The following PHKG2 variants were observed in gnomAD, a reference collection of about 807,000 sequenced individuals.
The protein encoded by PHKG2 is phosphorylase kinase catalytic subunit gamma 2, also known as phosphorylase b kinase gamma catalytic chain, liver/testis isoform.
In PHKG2, 28 loss-of-function variants were observed where a neutral mutation model predicts 44.5. The observed-to-expected ratio is 0.63, with a 90% CI of 0.47 to 0.86. The LOEUF (loss-of-function observed/expected upper bound fraction) is 0.86. Ranked by LOEUF, PHKG2 falls within the 40% of genes least tolerant of loss-of-function variation. PHKG2 has a pLI of 0.00. For synonymous variants in PHKG2, 220 were observed against 211.2 expected (o/e 1.04, Z -0.36); for missense variants, 498 against 547.5 (o/e 0.91, Z 0.90).
intron 6 of PHKG2, chr16:30,755,309 G>C (rs575362264): frequency 6.0e-6 from 1 of 166,216 alleles, no homozygotes; most frequent in South Asian, 1.5e-4. Context: ...TAGAACTGTA[G>C]ATTTGATCAT....
In PHKG2 at chr16:30,749,130, G is replaced by GTGGTGC. The variant is rs1555466869; in HGVS notation, c.95+220_95+221insCTGGTG. On this transcript the variant is annotated intron_variant, in intron 2 of 9. Coordinates refer to ENST00000563588, the MANE Select transcript of PHKG2 (RefSeq NM_000294.3). ...GCTGCTGGTGGTGCTGGTGCTGGTGGTGGTGGTGCTGGTGCTGGTGGTGGT... is the reference window on the plus strand; with the variant it reads ...GCTGCTGGTGGTGCTGGTGCTGGTGGTGGTGCTGGTGGTGCTGGTGCTGGTGGTGGT... 5.1e-4 allele frequency among the ~76,000 whole-genome samples: 28 copies of GTGGTGC among 55,414 alleles called. 3 individuals carry two copies. Among genetic ancestry groups the GTGGTGC allele is most frequent in the South Asian group, 3.8e-3 (5 of 1,326 alleles). The allele number at this position is 55,414 out of a possible 152,430, so 36.4% of individuals were successfully genotyped here.
At chr16:30,753,208 C>G in intron 4 of PHKG2, 24 bp from the exon 5 acceptor site, 1 of 1,601,030 alleles carries the variant, frequency 6.2e-7, no homozygotes, top group Non-Finnish European at 8.6e-7. Context: ...ATGCAGCTGC[C>G]TCCTATGCCC....
chr16:30,751,942 A>C, intron 4 of PHKG2: 2 of 321,682 alleles, frequency 6.2e-6, no homozygotes, highest in Non-Finnish European at 6.1e-6. Context: ...AAATACAAAA[A>C]ATCAGCCGGG....
At position 30,757,207 on chromosome 16, in the gene PHKG2, G is replaced by A; in HGVS notation, c.*110G>A. ...TGGCCTCAGGCCCACTAATGATCCT[G>A]CTACCCTCTTGAAGACCAGCCCGGT... On this transcript the variant is annotated 3_prime_UTR_variant, in exon 10 of 10. Coordinates refer to ENST00000563588, the MANE Select transcript of PHKG2 (RefSeq NM_000294.3). The A allele has an allele frequency of 6.3e-7, 1 of 1,593,360 alleles. No individual in the cohort carries two copies. Among genetic ancestry groups the A allele is most frequent in the Non-Finnish European group, 8.5e-7 (1 of 1,176,822 alleles).
intron 6 of PHKG2, 105 bp downstream of exon 6, chr16:30,753,662 A>C: frequency 8.6e-7 from 1 of 1,163,894 alleles, no homozygotes; most frequent in Non-Finnish European, 1.3e-6. Context: ...AGAAAAAGGG[A>C]GAAGTCATTG....
Position 30,757,043 on chromosome 16 carries a change from G to A in PHKG2, c.1167G>A (p.Glu389=), listed in dbSNP as rs2053442591. Reference sequence around the variant, plus strand: ...CTTTTCCCATCATGGGCCCTGAAGAGGAGGGAGACTCTGCTGCTATAACTG... The same window carrying A: ...CTTTTCCCATCATGGGCCCTGAAGAAGAGGGAGACTCTGCTGCTATAACTG... ...PGPFPIMGPE[E]EGDSAAITED... Residue 389 remains glutamate, a synonymous_variant, in exon 10 of 10, where the codon GAG becomes GAA. Transcript: ENST00000563588. 6.2e-7 allele frequency: 1 copy of A among 1,612,834 alleles called. No homozygotes were observed. The highest frequency in any genetic ancestry group is 1.3e-5 in the African/African-American group (1 of 74,932).
At position 30,759,933 on chromosome 16, in the gene PHKG2, C is replaced by A. The variant is rs758742628; in HGVS notation, c.*2836C>A. The A allele has an allele frequency of 1.1e-5, 16 of 1,440,950 alleles. No homozygotes were observed. The highest frequency in any genetic ancestry group is 1.5e-5 in the Non-Finnish European group (16 of 1,102,010). The allele number at this position is 1,440,950 out of a possible 1,614,324, so 89.3% of individuals were successfully genotyped here. ...GGCACTGAACAAGACAGACAAGGTC[C>A]TGCCCTTACGAAGCTTATATTCTAG... On this transcript the variant is annotated 3_prime_UTR_variant, in exon 10 of 10. Transcript: ENST00000563588.
chr16:30,756,397 C>A lies in PHKG2; in HGVS notation c.678C>A (p.Leu226=). The A allele has an allele frequency of 6.2e-7, 1 of 1,614,124 alleles. No homozygotes were observed. The highest frequency in any genetic ancestry group is 1.1e-5 in the South Asian group (1 of 91,082). ...LWACGVILFT[L]LAGSPPFWHR... ...CCTGTGGGGTGATCTTGTTCACACTCCTGGCTGGCTCGCCACCCTTCTGGC... is the reference window on the plus strand; with the variant it reads ...CCTGTGGGGTGATCTTGTTCACACTACTGGCTGGCTCGCCACCCTTCTGGC... Residue 226 remains leucine (L), a synonymous_variant, in exon 8 of 10, where the codon CTC becomes CTA. Transcript: ENST00000563588.
intron 4 of PHKG2, chr16:30,752,996 C>G (rs1177020226): frequency 1.7e-6 from 1 of 588,936 alleles, no homozygotes; most frequent in Non-Finnish European, 3.1e-6. Context: ...TATATTGTCA[C>G]AAGAAGTCTC....
chr16:30,749,847 A>G (rs1347791730), intron 2 of PHKG2, among the ~76,000 whole-genome samples: 1 of 152,198 alleles, frequency 6.6e-6, no homozygotes, highest in Non-Finnish European at 1.5e-5. Context: ...GTGAACGTTA[A>G]AAAGGCATCA....
chr16:30,753,386 T>C lies in PHKG2; in HGVS notation c.393-8T>C. On this transcript the variant is annotated splice_region_variant and splice_polypyrimidine_tract_variant and intron_variant, in intron 5 of 9. Coordinates refer to ENST00000563588, the MANE Select transcript of PHKG2 (RefSeq NM_000294.3). Reference sequence around the variant, plus strand: ...GGAGGAGACTGCACCCGCCTCCCCTTCCCCCAGGTCCATCATGCGGTCTCT... The same window carrying C: ...GGAGGAGACTGCACCCGCCTCCCCTCCCCCCAGGTCCATCATGCGGTCTCT... 1 of 1,614,020 alleles carries C rather than the reference T, an allele frequency of 6.2e-7. No homozygotes were observed. The highest frequency in any genetic ancestry group is 8.5e-7 in the Non-Finnish European group (1 of 1,179,976).
chr16:30,750,708 A>G (rs1283762282), intron 2 of PHKG2, among the ~76,000 whole-genome samples: 1 of 152,164 alleles, frequency 6.6e-6, no homozygotes, highest in African/African-American at 2.4e-5. Context: ...GGAGCTTCCT[A>G]CACTTGAGGG....
At chr16:30,751,361 C>G in intron 3 of PHKG2, 80 bp downstream of exon 3, 2 of 1,475,368 alleles carry the variant, frequency 1.4e-6, no homozygotes, top group Non-Finnish European at 1.9e-6. Flanking sequence ...CTTCCGCCAA[C>G]ATTGCCTCCA....
Position 30,760,201 on chromosome 16 carries a change from T to G in PHKG2, c.*3104T>G. On this transcript the variant is annotated 3_prime_UTR_variant, in exon 10 of 10. Transcript: ENST00000563588. ...TGACATATTCCAGGCAGAAATCCCC[T>G]GCTTCTGCTTCCCATGGTCACTTGT... The G allele has an allele frequency of 6.2e-7, 1 of 1,609,834 alleles. No individual in the cohort carries two copies.
rs766050409 is a variant in PHKG2 at position 30,756,526 on chromosome 16, C to T, written c.801+6C>T. 1.6e-5 allele frequency: 25 copies of T among 1,612,528 alleles called. No homozygotes were observed. The highest frequency in any genetic ancestry group is 5.3e-5 in the African/African-American group (4 of 74,894). On this transcript the variant is annotated splice_donor_region_variant and intron_variant, in intron 8 of 9. Transcript: ENST00000563588. ...CCAGCACTGTCAAAGACCTGGTGAG[C>T]GGGGGCTGAGAGGACAGTAGGGGAG...
chr16:30,752,952 G>A, intron 4 of PHKG2: 2 of 485,948 alleles, frequency 4.1e-6, no homozygotes, highest in Non-Finnish European at 7.4e-6. Context: ...CCTTTTTCAG[G>A]CATAGTTACT....
rs1399061811 is a variant in PHKG2, at chr16:30,758,739, G to C, written c.*1642G>C. The C allele has an allele frequency of 2.1e-6, 1 of 475,296 alleles. No homozygotes were observed. 29.4% of individuals were successfully genotyped at this position (475,296 alleles called of 1,614,324 possible). ...CCTGGCTATTTTTTGTATTTTAGTAGATAGGGGGTTTCACGGTGTTGCCCA... is the reference window on the plus strand; with the variant it reads ...CCTGGCTATTTTTTGTATTTTAGTACATAGGGGGTTTCACGGTGTTGCCCA... On this transcript the variant is annotated 3_prime_UTR_variant, in exon 10 of 10. Coordinates refer to ENST00000563588, the MANE Select transcript of PHKG2 (RefSeq NM_000294.3).
intron 2 of PHKG2, among the ~76,000 whole-genome samples, chr16:30,750,438 T>C (rs2053329374): frequency 6.6e-6 from 1 of 152,166 alleles, no homozygotes; most frequent in Admixed American, 6.5e-5. Flanking sequence ...CTGGAGGGAT[T>C]TGCTCCTTAG....
rs2151310526 is a variant in PHKG2 at position 30,756,624 on chromosome 16, G to A, written c.836G>A (p.Arg279His). 6.2e-7 allele frequency: 1 copy of A among 1,614,002 alleles called. No individual in the cohort carries two copies. Among genetic ancestry groups the A allele is most frequent in the Non-Finnish European group, 8.5e-7 (1 of 1,180,020 alleles). ...SRLLQVDPEA[R>H]LTAEQALQHP... The stretch of plus-strand genomic sequence containing the variant: ...CTGCTGCAGGTGGATCCTGAGGCAC[G>A]CCTGACAGCTGAGCAGGCCCTACAG... The change falls in exon 9 of 10, where the codon CGC (arginine) becomes CAC (histidine). Residue 279 changes from arginine (R) to histidine (H), a missense_variant. Coordinates refer to ENST00000563588, the MANE Select transcript of PHKG2 (RefSeq NM_000294.3).
Sources: gnomAD v4.1 joint callset for allele counts (sites outside exome capture counted in the v4.1 genomes callset) on GRCh38, gnomAD v4.1.1 for gene constraint, MANE v1.5 for transcripts, NCBI Gene and HGNC (gene_info 2026-07-23, HGNC 2026-07-21) for gene names.